The following FAT3 variants were observed in gnomAD, a reference collection of about 807,000 sequenced individuals.
The protein encoded by FAT3 is protocadherin Fat 3.
In FAT3, 95 loss-of-function variants were observed where a neutral mutation model predicts 310.2. The observed-to-expected ratio is 0.31, with a 90% CI of 0.26 to 0.36. The LOEUF is 0.36. FAT3 is among the 10% of genes least tolerant of loss of function. The pLI is 1.00. For missense variants in FAT3, 5,408 were observed against 5,715.6 expected, an observed-to-expected ratio of 0.95 and a Z score of 1.74; for synonymous variants, 2,314 against 2,192.9, an observed-to-expected ratio of 1.06 and a Z score of -1.54.
intron 7 of FAT3, among the ~76,000 whole-genome samples, chr11:92,783,373 A>AT (rs1461444807): frequency 4.7e-4 from 71 of 150,860 alleles, no homozygotes; most frequent in Admixed American, 4.4e-3. Flanking sequence ...AAAAAAAAAA[A>AT]AAAAAAAGGC....
At chr11:92,693,706 T>G (rs1943858950) in intron 3 of FAT3, among the ~76,000 whole-genome samples, 1 of 152,180 alleles carries the variant, frequency 6.6e-6, no homozygotes, top group Non-Finnish European at 1.5e-5. Context: ...AGGAAAGCTT[T>G]TACACCTTAG....
At chr11:92,620,703 A>G (rs1289440526) in intron 3 of FAT3, among the ~76,000 whole-genome samples, 2 of 152,176 alleles carry the variant, frequency 1.3e-5, no homozygotes, top group Non-Finnish European at 2.9e-5. Flanking sequence ...TATTCCTATC[A>G]AAGACTCTTT....
intron 3 of FAT3, among the ~76,000 whole-genome samples, chr11:92,621,067 TCAA>T (rs1941062975): frequency 6.6e-6 from 1 of 152,200 alleles, no homozygotes; most frequent in Non-Finnish European, 1.5e-5. Flanking sequence ...GATTAGAGTT[TCAA>T]CATACAAATT....
chr11:92,251,348 G>C (rs1188645291), intron 1 of FAT3, among the ~76,000 whole-genome samples: 1 of 151,996 alleles, frequency 6.6e-6, no homozygotes, highest in African/African-American at 2.4e-5. Context: ...TAAAAACTAT[G>C]GTGTAAGTAA....
chr11:92,265,114 T>C (rs1945899769), intron 1 of FAT3, among the ~76,000 whole-genome samples: 1 of 151,980 alleles, frequency 6.6e-6, no homozygotes, highest in Non-Finnish European at 1.5e-5. Context: ...GAGTATCTTC[T>C]TCAGGACTCA....
intron 2 of FAT3, among the ~76,000 whole-genome samples, chr11:92,492,351 A>G (rs1323161690): frequency 6.6e-6 from 1 of 151,800 alleles, no homozygotes; most frequent in Non-Finnish European, 1.5e-5. Context: ...TGGCTTTAGC[A>G]TTTGCTTGCT....
At chr11:92,443,141 T>C (rs1951117775) in intron 2 of FAT3, among the ~76,000 whole-genome samples, 1 of 152,198 alleles carries the variant, frequency 6.6e-6, no homozygotes, top group Non-Finnish European at 1.5e-5. Context: ...GTTTGTGTTT[T>C]CAAACTTAGA....
At chr11:92,765,637 T>A (rs1352964568) in intron 6 of FAT3, among the ~76,000 whole-genome samples, 1 of 152,200 alleles carries the variant, frequency 6.6e-6, no homozygotes, top group African/African-American at 2.4e-5. Flanking sequence ...TTACGGTTTT[T>A]TTTTAAAGCA....
intron 19 of FAT3, among the ~76,000 whole-genome samples, chr11:92,850,107 GT>G (rs1333216420): frequency 6.6e-6 from 1 of 152,204 alleles, no homozygotes; most frequent in Non-Finnish European, 1.5e-5. Context: ...CTGAAATTGG[GT>G]TTGCACTTTG....
chr11:92,485,267 T>G (rs1226841995), intron 2 of FAT3, among the ~76,000 whole-genome samples: 4 of 152,206 alleles, frequency 2.6e-5, no homozygotes, highest in Non-Finnish European at 5.9e-5. Context: ...GGTGGCACAG[T>G]ATAGGTGTTA....
In FAT3 at chr11:92,346,752, AC is replaced by A. The variant is rs1306925968; in HGVS notation, c.-17-5343del. Among the ~76,000 whole-genome samples the A allele has an allele frequency of 6.6e-5, 10 of 152,314 alleles. No individual in the cohort carries two copies. In the South Asian group the frequency reaches 1.9e-3, roughly 28 times the overall value. On this transcript the variant is annotated intron_variant, in intron 1 of 27. Coordinates refer to ENST00000525166, the MANE Select transcript of FAT3 (RefSeq NM_001367949.2). ...ATATTAGCCCCAAAGTCACCCAGCC[AC>A]TAGATGGCAAGTCCTGGATTCAACT...
At chr11:92,367,204 C>T in intron 2 of FAT3, 1 of 325,770 alleles carries the variant, frequency 3.1e-6, no homozygotes, top group Admixed American at 3.3e-5. Flanking sequence ...CTCCAGGTTC[C>T]ACATGCTCTC....
At position 92,762,109 on chromosome 11, in the gene FAT3, C is replaced by A. The variant is rs755748240; in HGVS notation, c.3923C>A (p.Pro1308His). 6.2e-7 allele frequency: 1 copy of A among 1,613,912 alleles called. No homozygotes were observed. The highest frequency in any genetic ancestry group is 8.5e-7 in the Non-Finnish European group (1 of 1,179,834). Residue 1308 changes from proline to histidine, a missense_variant, in exon 5 of 28, where the codon CCT becomes CAT. Physicochemically the swap from Pro to His is moderately conservative, Grantham distance 77. Transcript: ENST00000525166. Reference protein sequence around the residue: ...GNDDGKFFIDPKTGMVSSRKQ... With the variant: ...GNDDGKFFIDHKTGMVSSRKQ... ...GATGACGGAAAGTTCTTTATTGACC[C>A]TAAAACTGGGATGGTTTCTTCTAGA...
intron 6 of FAT3, among the ~76,000 whole-genome samples, chr11:92,771,505 G>T (rs1020307264): frequency 5.9e-5 from 9 of 151,848 alleles, no homozygotes; most frequent in Non-Finnish European, 1.2e-4. Context: ...TAAAACTCAT[G>T]GAAGATTTTG....
rs759616050 is a variant in FAT3, at chr11:92,840,535, A to G, written c.10369-27A>G. 67 of 1,502,064 alleles carry G rather than the reference A, an allele frequency of 4.5e-5. 1 individual carries two copies. The highest frequency in any genetic ancestry group is 2.7e-5 in the South Asian group (2 of 74,034). The allele number at this position is 1,502,064 out of a possible 1,614,324, so 93.0% of individuals were successfully genotyped here. ...GAAGAGAAGTGTAATTTTTATCTTC[A>G]TTTTTACTATATACTCTTTTATGCA... On this transcript the variant is annotated intron_variant, in intron 17 of 27. Coordinates refer to ENST00000525166, the MANE Select transcript of FAT3 (RefSeq NM_001367949.2).
intron 1 of FAT3, among the ~76,000 whole-genome samples, chr11:92,238,959 C>A (rs1864551919): frequency 6.6e-6 from 1 of 152,088 alleles, no homozygotes; most frequent in Non-Finnish European, 1.5e-5. Context: ...CCATTTGCAA[C>A]TTTTCATTCA....
chr11:92,706,310 G>T (rs1020873778), intron 4 of FAT3, among the ~76,000 whole-genome samples: 1 of 152,054 alleles, frequency 6.6e-6, no homozygotes, highest in Non-Finnish European at 1.5e-5. Flanking sequence ...ACCTTTCAGA[G>T]CAAATATTAA....
chr11:92,413,442 A>G (rs371348610), intron 2 of FAT3, among the ~76,000 whole-genome samples: 17 of 152,210 alleles, frequency 1.1e-4, no homozygotes, highest in African/African-American at 4.1e-4. Context: ...TCATTTGTTC[A>G]AAGAGCCCTA....
At chr11:92,786,790 A>AC (rs772299177) in intron 7 of FAT3, among the ~76,000 whole-genome samples, 5 of 152,208 alleles carry the variant, frequency 3.3e-5, no homozygotes, top group Admixed American at 6.5e-5. Context: ...TATTTTAAAA[A>AC]TGGGCACAAG....
Sources: allele counts gnomAD v4.1 joint callset (sites outside exome capture counted in the v4.1 genomes callset), GRCh38; gene constraint gnomAD v4.1.1; transcripts MANE v1.5; gene names NCBI Gene and HGNC (gene_info 2026-07-23, HGNC 2026-07-21).